The following NFIL3 variants were observed in gnomAD, a reference collection of about 807,000 sequenced individuals.
NFIL3 encodes nuclear factor, interleukin 3 regulated.
NFIL3 carries 5 observed loss-of-function variants against 10.0 expected under a neutral mutation model. The observed-to-expected ratio is 0.50, with a 90% CI of 0.26 to 1.06. The LOEUF is 1.06. Ranked by LOEUF, NFIL3 falls within the 50% of genes least tolerant of loss-of-function variation. NFIL3 has a pLI of 0.13. For synonymous variants in NFIL3, 202 were observed against 206.5 expected (o/e 0.98, Z 0.19); for missense variants, 436 against 547.6 (o/e 0.80, Z 2.03).
chr9:91,463,644 G>A, the NFIL3 span, among the ~76,000 whole-genome samples: 2 of 152,016 alleles, frequency 1.3e-5, no homozygotes, highest in Admixed American at 1.3e-4. Context: ...GCTGCTGTTG[G>A]GCGAAGACTT....
the NFIL3 span, among the ~76,000 whole-genome samples, chr9:91,476,141 T>C: frequency 6.6e-6 from 1 of 152,238 alleles, no homozygotes; most frequent in Non-Finnish European, 1.5e-5. Context: ...TAAGGCTTTC[T>C]ACCTCATTCT....
At chr9:91,475,500 G>A in the NFIL3 span, among the ~76,000 whole-genome samples, 1 of 152,126 alleles carries the variant, frequency 6.6e-6, no homozygotes, top group Non-Finnish European at 1.5e-5. Context: ...ACAAGATGTG[G>A]CCAAAATGTC....
chr9:91,481,838 A>G, the NFIL3 span, among the ~76,000 whole-genome samples: 1 of 152,196 alleles, frequency 6.6e-6, no homozygotes, highest in Non-Finnish European at 1.5e-5. Flanking sequence ...TCTCAGTGCG[A>G]AATAGTCATA....
the NFIL3 span, among the ~76,000 whole-genome samples, chr9:91,467,506 C>T: frequency 6.6e-6 from 1 of 151,952 alleles, no homozygotes; most frequent in Non-Finnish European, 1.5e-5. Context: ...TTAGTTACAA[C>T]AGGGTTTTGT....
chr9:91,417,660 T>G (rs1295350163), intron 1 of NFIL3, among the ~76,000 whole-genome samples: 9 of 152,126 alleles, frequency 5.9e-5, no homozygotes, highest in Non-Finnish European at 1.2e-4. Context: ...TGCAAGAGAA[T>G]TTTCTAATCC....
At chr9:91,437,283 G>T in the NFIL3 span, among the ~76,000 whole-genome samples, 10 of 152,182 alleles carry the variant, frequency 6.6e-5, no homozygotes, top group African/African-American at 2.4e-4. Flanking sequence ...CCCATGTAAA[G>T]TGCACGATTC....
chr9:91,452,230 T>C, the NFIL3 span, among the ~76,000 whole-genome samples: 1 of 152,224 alleles, frequency 6.6e-6, no homozygotes, highest in South Asian at 2.1e-4. Context: ...AGAAGCCTGC[T>C]ACCAGGAAGC....
At chr9:91,441,313 A>G in the NFIL3 span, among the ~76,000 whole-genome samples, 2 of 152,220 alleles carry the variant, frequency 1.3e-5, no homozygotes, top group East Asian at 3.9e-4. Context: ...ATTAGATATA[A>G]GTTTCAGCCA....
the NFIL3 span, among the ~76,000 whole-genome samples, chr9:91,474,835 G>A: frequency 7.9e-5 from 12 of 152,322 alleles, no homozygotes; most frequent in East Asian, 1.9e-3. Context: ...AAACCAGTGT[G>A]GCTGTTTCCC....
chr9:91,440,282 C>A, the NFIL3 span, among the ~76,000 whole-genome samples: 1 of 152,002 alleles, frequency 6.6e-6, no homozygotes, highest in East Asian at 1.9e-4. Context: ...TTAAGTCATC[C>A]AATTTGTTTG....
intron 1 of NFIL3, among the ~76,000 whole-genome samples, chr9:91,414,735 T>C (rs1481769668): frequency 6.6e-6 from 1 of 152,238 alleles, no homozygotes; most frequent in Non-Finnish European, 1.5e-5. Flanking sequence ...AATCTTGCAG[T>C]GTTGAAAAGA....
At chr9:91,478,551 T>C in the NFIL3 span, among the ~76,000 whole-genome samples, 3 of 152,072 alleles carry the variant, frequency 2.0e-5, no homozygotes, top group East Asian at 5.8e-4. Context: ...CTAACCTTTT[T>C]TCAAGGTTCT....
the NFIL3 span, among the ~76,000 whole-genome samples, chr9:91,474,159 G>T: frequency 1.3e-5 from 2 of 151,624 alleles, no homozygotes; most frequent in African/African-American, 2.4e-5. Flanking sequence ...TCATGAATGG[G>T]TGTTGGATTT....
At chr9:91,444,277 TA>T in the NFIL3 span, among the ~76,000 whole-genome samples, 39 of 152,126 alleles carry the variant, frequency 2.6e-4, no homozygotes, top group East Asian at 4.4e-3. Context: ...TGTGTGGTTT[TA>T]AAAAAAATGA....
chr9:91,460,451 T>C, the NFIL3 span, among the ~76,000 whole-genome samples: 15 of 151,504 alleles, frequency 9.9e-5, no homozygotes, highest in African/African-American at 3.6e-4. Context: ...ATTTTTCTAT[T>C]GTTTTAGTAG....
At chr9:91,474,763 T>A in the NFIL3 span, among the ~76,000 whole-genome samples, 1 of 152,196 alleles carries the variant, frequency 6.6e-6, no homozygotes, top group Admixed American at 6.5e-5. Context: ...CCAAAAGGTC[T>A]CTTTCCTGAG....
chr9:91,421,216 CCT>C (rs1243230107), intron 1 of NFIL3, among the ~76,000 whole-genome samples: 2 of 149,314 alleles, frequency 1.3e-5, no homozygotes, highest in Non-Finnish European at 1.5e-5. Context: ...CCGCGCTGCC[CCT>C]GTCTGCCCCG....
chr9:91,417,751 T>G (rs573102360), intron 1 of NFIL3, among the ~76,000 whole-genome samples: 1 of 152,208 alleles, frequency 6.6e-6, no homozygotes, highest in East Asian at 1.9e-4. Context: ...AAGAAGCAGC[T>G]TACCCCAAAG....
At chr9:91,437,671 C>T in the NFIL3 span, among the ~76,000 whole-genome samples, 3 of 152,158 alleles carry the variant, frequency 2.0e-5, no homozygotes, top group South Asian at 6.2e-4. Flanking sequence ...TTTCTACCTC[C>T]CTAGCCCCAC....
Sources: allele counts gnomAD v4.1 joint callset (sites outside exome capture counted in the v4.1 genomes callset), GRCh38; gene constraint gnomAD v4.1.1; transcripts MANE v1.5; gene names NCBI Gene and HGNC (gene_info 2026-07-23, HGNC 2026-07-21).